The following PSPC1 variants were observed in gnomAD, a reference collection of about 807,000 sequenced individuals.
The protein encoded by PSPC1 is paraspeckle component 1.
In PSPC1, 14 loss-of-function variants were observed where a neutral mutation model predicts 51.6. The observed-to-expected ratio is 0.27, with a 90% CI of 0.18 to 0.42. The LOEUF (loss-of-function observed/expected upper bound fraction) is 0.42. PSPC1 is among the 10% of genes least tolerant of loss of function. PSPC1 has a pLI of 1.00. For missense variants in PSPC1, 406 were observed against 701.1 expected, an observed-to-expected ratio of 0.58 and a Z score of 4.75; for synonymous variants, 193 against 231.9, an observed-to-expected ratio of 0.83 and a Z score of 1.53.
chr13:19,782,829 G>A lies in PSPC1; in HGVS notation c.-72C>T, dbSNP rs767289059. On this transcript the variant is annotated 5_prime_UTR_variant, in exon 1 of 9. In the 5' UTR this introduces an upstream ATG that the reference lacks. Transcript: ENST00000338910. This position sits in a 1 kb window ranked among gnomAD's most constrained non-coding sequence, Gnocchi z 4.5. ...ACAGTGTGTCTATATATATGTATAC[G>A]TCTCTACATAAACCTATGCCAACAA... The A allele has an allele frequency of 2.8e-5, 40 of 1,411,446 alleles. No individual in the cohort carries two copies. Among genetic ancestry groups the A allele is most frequent in the South Asian group, 6.3e-5 (4 of 63,050 alleles). 87.4% of individuals were successfully genotyped at this position (1,411,446 alleles called of 1,614,324 possible).
intron 7 of PSPC1, 102 bp from the exon 8 acceptor site, chr13:19,705,933 A>T (rs1167331310): frequency 9.6e-7 from 1 of 1,039,416 alleles, no homozygotes; most frequent in East Asian, 2.6e-5. Context: ...CCATTATCAA[A>T]ATTATTTTCG....
chr13:19,674,424 GGA>G (rs1168051343), downstream of PSPC1, among the ~76,000 whole-genome samples: 3 of 152,198 alleles, frequency 2.0e-5, no homozygotes, highest in Non-Finnish European at 4.4e-5. Flanking sequence ...AGAATGATCA[GGA>G]GAGTCTATTT....
chr13:19,706,469 AG>A (rs1880682782), intron 7 of PSPC1, among the ~76,000 whole-genome samples: 1 of 152,160 alleles, frequency 6.6e-6, no homozygotes, highest in African/African-American at 2.4e-5. Context: ...TATTTTTAAA[AG>A]CAACCGCAAC....
intron 3 of PSPC1, among the ~76,000 whole-genome samples, chr13:19,756,250 T>C (rs1467299382): frequency 2.0e-5 from 3 of 151,998 alleles, no homozygotes; most frequent in South Asian, 2.1e-4. Context: ...AATAAATAAG[T>C]AGGCCTTTGA....
chr13:19,746,013 T>G (rs536009579), intron 4 of PSPC1, among the ~76,000 whole-genome samples: 3 of 150,334 alleles, frequency 2.0e-5, no homozygotes, highest in East Asian at 2.0e-4. Context: ...TTTTTTGTTT[T>G]TTTTTTTTTT....
chr13:19,747,122 A>C (rs1323934785), intron 4 of PSPC1, among the ~76,000 whole-genome samples: 1 of 152,244 alleles, frequency 6.6e-6, no homozygotes, highest in East Asian at 1.9e-4. Flanking sequence ...AAAATAAAAA[A>C]AAATCAACAT....
chr13:19,731,862 T>C (rs977048142), intron 5 of PSPC1, among the ~76,000 whole-genome samples: 1 of 152,202 alleles, frequency 6.6e-6, no homozygotes, highest in Non-Finnish European at 1.5e-5. Flanking sequence ...TGTCCCATAA[T>C]GGATACTCAA....
intron 2 of PSPC1, among the ~76,000 whole-genome samples, chr13:19,766,179 C>A (rs1287314363): frequency 6.6e-6 from 1 of 152,088 alleles, no homozygotes; most frequent in Non-Finnish European, 1.5e-5. Flanking sequence ...TCGAGACCAG[C>A]CTGGTCAACA....
At chr13:19,751,493 A>T in intron 3 of PSPC1, 26 bp from the exon 4 acceptor site, 1 of 1,432,120 alleles carries the variant, frequency 7.0e-7, no homozygotes, top group East Asian at 2.5e-5. Flanking sequence ...AACATACAGA[A>T]ATGTATGCTT....
chr13:19,705,711 TCTGGTCC>T lies in PSPC1; in HGVS notation c.1330_1336del (p.Gly444LysfsTer10), dbSNP rs1480441051. ...TGGAGTTCCCATATTTGCGGCTCCT[TCTGGTCC>T]CATGGCAGGACCAGGACCCATTGGT... On this transcript the variant is annotated frameshift_variant, in exon 8 of 9. Coordinates refer to ENST00000338910, the MANE Select transcript of PSPC1 (RefSeq NM_001354909.2). LOFTEE classifies it high-confidence loss of function. 6.2e-7 allele frequency: 1 copy of T among 1,607,486 alleles called. No individual in the cohort carries two copies. Among genetic ancestry groups the T allele is most frequent in the African/African-American group, 1.3e-5 (1 of 74,238 alleles).
chr13:19,768,370 G>A (rs1297615352), intron 2 of PSPC1, among the ~76,000 whole-genome samples: 1 of 151,906 alleles, frequency 6.6e-6, no homozygotes, highest in East Asian at 1.9e-4. Context: ...AGCAGGGGAC[G>A]GGCGTGGTGG....
chr13:19,719,795 G>A (rs566470716), intron 6 of PSPC1, among the ~76,000 whole-genome samples: 1 of 151,816 alleles, frequency 6.6e-6, no homozygotes, highest in South Asian at 2.1e-4. Context: ...CACACATCAA[G>A]GGACAGAAGG....
chr13:19,772,214 G>A (rs745931025), intron 2 of PSPC1, 28 bp downstream of exon 2: 9 of 1,597,092 alleles, frequency 5.6e-6, no homozygotes, highest in Non-Finnish European at 7.7e-6. Flanking sequence ...TAACTGGATA[G>A]AAGAAGGACA....
At chr13:19,679,792 C>T (rs965988970) in intron 6 of PSPC1, among the ~76,000 whole-genome samples, 8 of 152,114 alleles carry the variant, frequency 5.3e-5, no homozygotes, top group Non-Finnish European at 2.9e-5. Context: ...GCCTTTGGTA[C>T]AGTAAAGGCT....
At chr13:19,730,966 A>AAAAAAAAAAC (rs1884013887) in intron 5 of PSPC1, among the ~76,000 whole-genome samples, 1 of 25,502 alleles carries the variant, frequency 3.9e-5, no homozygotes, top group East Asian at 2.3e-3. Flanking sequence ...ACAAAAAAAC[A>AAAAAAAAAAC]AAAAAAAAAA....
intron 5 of PSPC1, among the ~76,000 whole-genome samples, chr13:19,733,237 G>A (rs531838453): frequency 3.9e-4 from 59 of 152,310 alleles, no homozygotes; most frequent in African/African-American, 1.3e-3. Context: ...CTGTTACAGA[G>A]GTGGATTACT....
downstream of PSPC1, among the ~76,000 whole-genome samples, chr13:19,700,787 C>T (rs183265013): frequency 1.3e-5 from 2 of 152,036 alleles, no homozygotes; most frequent in Admixed American, 1.3e-4. Flanking sequence ...AAAAAGATAG[C>T]ATATATGACA....
At chr13:19,681,203 A>T (rs1877234290) in intron 6 of PSPC1, among the ~76,000 whole-genome samples, 1 of 152,288 alleles carries the variant, frequency 6.6e-6, no homozygotes, top group South Asian at 2.1e-4. Flanking sequence ...TGACAGAGTG[A>T]CACTCTATCT....
At chr13:19,744,326 A>G (rs1885732955) in intron 4 of PSPC1, among the ~76,000 whole-genome samples, 1 of 152,136 alleles carries the variant, frequency 6.6e-6, no homozygotes, top group African/African-American at 2.4e-5. Context: ...ACACTGGTAT[A>G]ATTAGCTCAA....
Sources: gnomAD v4.1 joint callset for allele counts (sites outside exome capture counted in the v4.1 genomes callset) on GRCh38, gnomAD v4.1.1 for gene constraint, Gnocchi (gnomAD v3.1) non-coding constraint, MANE v1.5 for transcripts, NCBI Gene and HGNC (gene_info 2026-07-23, HGNC 2026-07-21) for gene names.